The following FRMD4A variants were observed in gnomAD, a reference collection of about 807,000 sequenced individuals.
FRMD4A encodes FERM domain containing 4A, also known as FERM domain-containing protein 4A.
Under a neutral mutation model 129.1 loss-of-function variants are expected in FRMD4A, and 29 were observed. The ratio of observed to expected loss-of-function variants is 0.22; its 90% CI spans 0.17 to 0.31. The LOEUF is 0.31. Among genes scored for constraint, FRMD4A ranks in the 10% least tolerant of loss-of-function variants. FRMD4A has a pLI of 1.00. For synonymous variants in FRMD4A, 634 were observed against 571.6 expected (o/e 1.11, Z -1.56); for missense variants, 1,272 against 1,375.8 (o/e 0.92, Z 1.19).
At chr10:13,806,519 T>C (rs2093359636) in intron 4 of FRMD4A, among the ~76,000 whole-genome samples, 1 of 152,196 alleles carries the variant, frequency 6.6e-6, no homozygotes. Context: ...TACAGGCCCC[T>C]GGGATGAGTC....
intron 2 of FRMD4A, among the ~76,000 whole-genome samples, chr10:14,085,354 C>T (rs911831086): frequency 1.3e-5 from 2 of 152,308 alleles, no homozygotes; most frequent in Admixed American, 6.5e-5. Context: ...TGCAGGGTTT[C>T]CACGAGCCGA....
At chr10:13,764,778 G>A (rs372551704) in intron 6 of FRMD4A, among the ~76,000 whole-genome samples, 9 of 152,126 alleles carry the variant, frequency 5.9e-5, no homozygotes, top group African/African-American at 2.2e-4. Flanking sequence ...AGATCCCATA[G>A]TGGCTGACTG....
chr10:14,193,728 C>G (rs1842390993), intron 2 of FRMD4A, among the ~76,000 whole-genome samples: 1 of 151,108 alleles, frequency 6.6e-6, no homozygotes, highest in Non-Finnish European at 1.5e-5. Context: ...TATTATATAA[C>G]AAATACATAT....
intron 2 of FRMD4A, among the ~76,000 whole-genome samples, chr10:14,274,806 T>C (rs1197148157): frequency 1.3e-5 from 2 of 152,170 alleles, no homozygotes; most frequent in Non-Finnish European, 2.9e-5. Flanking sequence ...ACCCGGCAAG[T>C]CCCTGACTTA....
rs191462040 is a variant in FRMD4A at position 14,023,268 on chromosome 10, C to T, written c.46-164356G>A. On this transcript the variant is annotated intron_variant, in intron 2 of 24. Coordinates refer to ENST00000357447, the MANE Select transcript of FRMD4A (RefSeq NM_018027.5). The stretch of plus-strand genomic sequence containing the variant: ...GCCCCACACCCAGCCCTGGGAAGGG[C>T]GATTCCCTCTGGGAATTCTGCCAGC... Among the ~76,000 whole-genome samples, 60 of 152,142 alleles carry T rather than the reference C, an allele frequency of 3.9e-4. 1 individual carries two copies. Among genetic ancestry groups the T allele is most frequent in the African/African-American group, 1.3e-3 (54 of 41,528 alleles).
chr10:13,896,790 G>C (rs1589202815), intron 2 of FRMD4A, among the ~76,000 whole-genome samples: 2 of 152,108 alleles, frequency 1.3e-5, no homozygotes, highest in East Asian at 3.8e-4. Context: ...TAGATTTCCT[G>C]TTTCACCAGT....
chr10:13,888,850 T>G (rs2610796), intron 2 of FRMD4A, among the ~76,000 whole-genome samples: 1 of 152,232 alleles, frequency 6.6e-6, no homozygotes, highest in African/African-American at 2.4e-5. Flanking sequence ...TTTCTCATTT[T>G]GACATATTGA....
chr10:14,117,197 A>G (rs747443884), intron 2 of FRMD4A, among the ~76,000 whole-genome samples: 1 of 152,244 alleles, frequency 6.6e-6, no homozygotes, highest in Non-Finnish European at 1.5e-5. Flanking sequence ...ACCCAGACTA[A>G]CATGGACTCT....
At chr10:14,185,662 GTGCAGA>G (rs947130136) in intron 2 of FRMD4A, among the ~76,000 whole-genome samples, 4 of 152,158 alleles carry the variant, frequency 2.6e-5, no homozygotes, top group Admixed American at 2.0e-4. Flanking sequence ...GTTGTTAGCT[GTGCAGA>G]TGAGCAGAAG....
intron 2 of FRMD4A, among the ~76,000 whole-genome samples, chr10:14,050,685 C>T (rs1340930904): frequency 6.6e-6 from 1 of 152,074 alleles, no homozygotes; most frequent in African/African-American, 2.4e-5. Flanking sequence ...CACTCATGGC[C>T]AATGATTTAA....
intron 2 of FRMD4A, among the ~76,000 whole-genome samples, chr10:13,989,354 T>A (rs2095595012): frequency 6.6e-6 from 1 of 152,090 alleles, no homozygotes. Context: ...CATTAGTAAT[T>A]GATTTTTTTT....
At position 14,004,672 on chromosome 10, in the gene FRMD4A, T is replaced by G. The variant is rs2095655388; in HGVS notation, c.46-145760A>C. Among the ~76,000 whole-genome samples, 3 of 152,370 alleles carry G rather than the reference T, an allele frequency of 2.0e-5. No homozygotes were observed. In the South Asian group the frequency reaches 6.2e-4, roughly 32 times the overall value. ...GATTGCCAGGTATTGTGTTACGTCC[T>G]TGCATACATTTTTGGTGATCCTTTA... is the stretch of plus-strand genomic sequence containing the variant. On this transcript the variant is annotated intron_variant, in intron 2 of 24. Coordinates refer to ENST00000357447, the MANE Select transcript of FRMD4A (RefSeq NM_018027.5).
Position 13,666,104 on chromosome 10 carries a change from G to A in FRMD4A, c.1596C>T (p.Ile532=). The change falls in exon 18 of 25, where the codon ATC becomes ATT. Residue 532 remains isoleucine (I), a synonymous_variant. Transcript: ENST00000357447. ...GKKPTQRASL[I]IDDGNIASED... is the part of the protein sequence containing the mutation. ...AGCCCGGTTGGCACTGACCGTCTAT[G>A]ATCAGCGAAGCCCTCTGGGTGGGTT... 6.2e-7 allele frequency: 1 copy of A among 1,600,736 alleles called. No homozygotes were observed. The highest frequency in any genetic ancestry group is 1.1e-5 in the South Asian group (1 of 90,806).
rs557427760 is a variant in FRMD4A at position 13,650,477 on chromosome 10, G to A, written c.*2+1426C>T. On this transcript the variant is annotated intron_variant, in intron 24 of 24. Coordinates refer to ENST00000357447, the MANE Select transcript of FRMD4A (RefSeq NM_018027.5). ...TTCAAGCAGTGCCTACATTCCCACC[G>A]CAGCTCTTTCAAACCTGGTTAATTC... Among the ~76,000 whole-genome samples the A allele has an allele frequency of 7.2e-5, 11 of 152,290 alleles. No individual in the cohort carries two copies. The South Asian group carries it at 1.4e-3, about 20-fold the overall frequency.
At chr10:14,088,866 A>C (rs1322109812) in intron 2 of FRMD4A, among the ~76,000 whole-genome samples, 1 of 151,584 alleles carries the variant, frequency 6.6e-6, no homozygotes, top group Non-Finnish European at 1.5e-5. Flanking sequence ...GAGGGACTAG[A>C]GGTCCATAAA....
intron 2 of FRMD4A, among the ~76,000 whole-genome samples, chr10:14,044,306 T>C (rs1377046680): frequency 6.6e-6 from 1 of 152,238 alleles, no homozygotes; most frequent in Non-Finnish European, 1.5e-5. Context: ...TATTGCCATC[T>C]TTTCCTTCTC....
chr10:13,838,681 C>T (rs181262227), intron 3 of FRMD4A, among the ~76,000 whole-genome samples: 10 of 152,090 alleles, frequency 6.6e-5, no homozygotes, highest in Non-Finnish European at 1.0e-4. Context: ...TTAGTAGAGA[C>T]GGGGTTTCAC....
At chr10:13,986,700 A>G (rs1447833013) in intron 2 of FRMD4A, among the ~76,000 whole-genome samples, 2 of 150,318 alleles carry the variant, frequency 1.3e-5, no homozygotes, top group Non-Finnish European at 3.0e-5. Flanking sequence ...AAAAAAAAAA[A>G]AGAAAAGCTT....
chr10:14,156,432 T>C (rs1840606406), intron 2 of FRMD4A, among the ~76,000 whole-genome samples: 2 of 152,216 alleles, frequency 1.3e-5, no homozygotes, highest in African/African-American at 4.8e-5. Context: ...AGATATCATC[T>C]CTTGAGAGCA....
Sources: gnomAD v4.1 joint callset for allele counts (sites outside exome capture counted in the v4.1 genomes callset) on GRCh38, gnomAD v4.1.1 for gene constraint, MANE v1.5 for transcripts, NCBI Gene and HGNC (gene_info 2026-07-23, HGNC 2026-07-21) for gene names.